PVALB: variants seen among roughly 807,000 people sequenced by gnomAD.
PVALB encodes parvalbumin alpha.
PVALB carries 11 observed loss-of-function variants against 10.9 expected under a neutral mutation model. That is an observed-to-expected ratio of 1.01 (90% CI 0.63 to 1.67). The LOEUF is 1.67. Among genes scored for constraint, PVALB ranks in the 40% most tolerant of loss-of-function variants. The pLI, the probability that PVALB is intolerant of heterozygous loss-of-function variation, is 0.00. For synonymous variants in PVALB, 57 were observed against 50.7 expected, an observed-to-expected ratio of 1.12 and a Z score of -0.53; for missense variants, 131 against 136.2, an observed-to-expected ratio of 0.96 and a Z score of 0.19.
At chr22:36,814,449 G>T (rs12168594) in intron 2 of PVALB, among the ~76,000 whole-genome samples, 1 of 152,100 alleles carries the variant, frequency 6.6e-6, no homozygotes, top group Non-Finnish European at 1.5e-5. Flanking sequence ...CCCACCCCCC[G>T]CTTCTCTTTT....
At chr22:36,816,828 G>T in intron 1 of PVALB, 117 bp downstream of exon 1, 1 of 843,150 alleles carries the variant, frequency 1.2e-6, no homozygotes, top group Non-Finnish European at 1.7e-6. Flanking sequence ...GGCGCCCAGC[G>T]GGAAGTGTGG....
At chr22:36,811,696 C>A (rs1383140401) in intron 3 of PVALB, among the ~76,000 whole-genome samples, 2 of 152,094 alleles carry the variant, frequency 1.3e-5, no homozygotes, top group African/African-American at 4.8e-5. Context: ...ATATTGGCTG[C>A]AAATAAAAAT....
intron 3 of PVALB, among the ~76,000 whole-genome samples, chr22:36,803,420 G>C (rs1257791359): frequency 6.6e-6 from 1 of 152,124 alleles, no homozygotes. Context: ...AGAGGGCAGG[G>C]GAGCCTCTCT....
chr22:36,816,120 C>T (rs144722926), intron 1 of PVALB, among the ~76,000 whole-genome samples: 343 of 151,366 alleles, frequency 2.3e-3, no homozygotes, highest in African/African-American at 7.4e-3. Flanking sequence ...CAGCACAGGG[C>T]TAGAGACAAG....
At chr22:36,801,258 T>C (rs1207233526) in intron 3 of PVALB, among the ~76,000 whole-genome samples, 1 of 152,236 alleles carries the variant, frequency 6.6e-6, no homozygotes, top group African/African-American at 2.4e-5. Flanking sequence ...AAACACTTTA[T>C]ATGCAATATC....
upstream of PVALB, among the ~76,000 whole-genome samples, chr22:36,818,934 C>A (rs1035472212): frequency 2.6e-5 from 4 of 152,166 alleles, no homozygotes; most frequent in Non-Finnish European, 5.9e-5. Context: ...TAAGCAGCTA[C>A]CCTGTGGCAA....
At chr22:36,809,311 C>T (rs548680418) in intron 3 of PVALB, among the ~76,000 whole-genome samples, 5 of 152,304 alleles carry the variant, frequency 3.3e-5, no homozygotes, top group African/African-American at 1.2e-4. Context: ...CCACTATGGG[C>T]CAGGCCCTAT....
chr22:36,817,093 G>A, upstream of PVALB: 1 of 1,276,924 alleles, frequency 7.8e-7, no homozygotes, highest in Non-Finnish European at 1.1e-6. Context: ...CAGCGCTGCA[G>A]TGCTGCGCGC....
At position 36,800,801 on chromosome 22, in the gene PVALB, A is replaced by C; in HGVS notation, c.*89T>G. On this transcript the variant is annotated 3_prime_UTR_variant, in exon 4 of 4. Coordinates refer to ENST00000417718, the MANE Select transcript of PVALB (RefSeq NM_001315532.2). Reference sequence around the variant, plus strand: ...GGGGAGTAAAAAATAACATAAACGAACTGAACAGAAATGCAGGAGGGTGGC... The same window carrying C: ...GGGGAGTAAAAAATAACATAAACGACCTGAACAGAAATGCAGGAGGGTGGC... The C allele has an allele frequency of 7.0e-7, 1 of 1,421,690 alleles. No individual in the cohort carries two copies. Among genetic ancestry groups the C allele is most frequent in the Non-Finnish European group, 9.9e-7 (1 of 1,005,156 alleles). The allele number at this position is 1,421,690 out of a possible 1,614,324, so 88.1% of individuals were successfully genotyped here.
At chr22:36,812,749 G>A (rs527737376) in intron 3 of PVALB, among the ~76,000 whole-genome samples, 6 of 152,186 alleles carry the variant, frequency 3.9e-5, no homozygotes, top group Non-Finnish European at 8.8e-5. Flanking sequence ...GGAACAAATG[G>A]CAGCTTAGTA....
At chr22:36,801,101 T>C (rs963352448) in intron 3 of PVALB, among the ~76,000 whole-genome samples, 183 bp from the exon 4 acceptor site, 1 of 151,910 alleles carries the variant, frequency 6.6e-6, no homozygotes, top group Non-Finnish European at 1.5e-5. Context: ...ATGAGTGAAG[T>C]GAGGTGGGAA....
At chr22:36,803,085 A>ATAT (rs1938894269) in intron 3 of PVALB, among the ~76,000 whole-genome samples, 1 of 152,188 alleles carries the variant, frequency 6.6e-6, no homozygotes, top group Non-Finnish European at 1.5e-5. Context: ...CATTTTGCAT[A>ATAT]TATTATCTCA....
intron 3 of PVALB, among the ~76,000 whole-genome samples, chr22:36,807,793 C>T (rs973972760): frequency 1.3e-5 from 2 of 152,154 alleles, no homozygotes; most frequent in African/African-American, 2.4e-5. Context: ...CAAGGCCTTA[C>T]GCTACCACTC....
chr22:36,806,717 C>T (rs774610904), intron 3 of PVALB, among the ~76,000 whole-genome samples: 2 of 152,142 alleles, frequency 1.3e-5, no homozygotes, highest in Non-Finnish European at 2.9e-5. Context: ...ACAAGGAGGC[C>T]GCGTCAACAG....
intron 3 of PVALB, among the ~76,000 whole-genome samples, chr22:36,803,661 A>ATGGT (rs1569090044): frequency 2.2e-5 from 2 of 89,480 alleles, no homozygotes; most frequent in Non-Finnish European, 4.6e-5. Flanking sequence ...GAATGGATGG[A>ATGGT]TGGGTGGGTG....
chr22:36,803,476 T>G lies in PVALB; in HGVS notation c.305-2558A>C, dbSNP rs188085755. Reference sequence around the variant, plus strand: ...CAGCCACAGTGTTCCTGGCACACAGTAGGTGCTCATAAATAAGCTCTGGGT... The same window carrying G: ...CAGCCACAGTGTTCCTGGCACACAGGAGGTGCTCATAAATAAGCTCTGGGT... On this transcript the variant is annotated intron_variant, in intron 3 of 3. Coordinates refer to ENST00000417718, the MANE Select transcript of PVALB (RefSeq NM_001315532.2). Among the ~76,000 whole-genome samples, 121 of 152,082 alleles carry G rather than the reference T, an allele frequency of 8.0e-4. 1 individual carries two copies. The highest frequency in any genetic ancestry group is 2.8e-3 in the African/African-American group (118 of 41,456).
chr22:36,805,063 CTT>C (rs1938929153), intron 3 of PVALB, among the ~76,000 whole-genome samples: 1 of 152,230 alleles, frequency 6.6e-6, no homozygotes, highest in Admixed American at 6.5e-5. Context: ...GGGTTCTAGT[CTT>C]GGCTTTGCCA....
Position 36,800,762 on chromosome 22 carries a change from G to T in PVALB, c.*128C>A. On this transcript the variant is annotated 3_prime_UTR_variant, in exon 4 of 4. Coordinates refer to ENST00000417718, the MANE Select transcript of PVALB (RefSeq NM_001315532.2). ...TTCCAGAAGAATGGTGTCATTAGAG[G>T]GCCACAGGGGATGGGGGAGTAAAAA... 1 of 1,011,982 alleles carries T rather than the reference G, an allele frequency of 9.9e-7. No homozygotes were observed. The highest frequency in any genetic ancestry group is 1.6e-6 in the Non-Finnish European group (1 of 637,466). 62.7% of individuals were successfully genotyped at this position (1,011,982 alleles called of 1,614,324 possible).
intron 2 of PVALB, 56 bp from the exon 3 acceptor site, chr22:36,813,811 G>T: frequency 7.5e-7 from 1 of 1,342,246 alleles, no homozygotes; most frequent in Non-Finnish European, 1.1e-6. Context: ...TCGCCTTGCA[G>T]GACGCTGGAT....
Sources: allele counts gnomAD v4.1 joint callset (sites outside exome capture counted in the v4.1 genomes callset), GRCh38; gene constraint gnomAD v4.1.1; transcripts MANE v1.5; gene names NCBI Gene and HGNC (gene_info 2026-07-23, HGNC 2026-07-21).